NRCAM: variants seen among roughly 807,000 people sequenced by gnomAD.
NRCAM encodes neuronal cell adhesion molecule.
Under a neutral mutation model 156.5 loss-of-function variants are expected in NRCAM, and 83 were observed. The ratio of observed to expected loss-of-function variants is 0.53; its 90% CI spans 0.44 to 0.64. The LOEUF (loss-of-function observed/expected upper bound fraction) is 0.64. NRCAM is among the 30% of genes least tolerant of loss of function. The pLI is 0.00. For synonymous variants in NRCAM, 538 were observed against 563.9 expected (o/e 0.95, Z 0.65); for missense variants, 1,417 against 1,597.3 (o/e 0.89, Z 1.92).
intron 3 of NRCAM, among the ~76,000 whole-genome samples, chr7:108,257,708 A>C (rs1014757776): frequency 1.1e-4 from 16 of 152,336 alleles, no homozygotes; most frequent in Non-Finnish European, 2.1e-4. Context: ...TTCCTTAATA[A>C]GGGTTCGTGA....
intron 3 of NRCAM, among the ~76,000 whole-genome samples, chr7:108,262,757 C>G (rs2096932620): frequency 6.6e-6 from 1 of 152,210 alleles, no homozygotes; most frequent in Non-Finnish European, 1.5e-5. Context: ...AGGTGCTGAG[C>G]TGCTTTCCTG....
chr7:108,228,188 G>A (rs2093774723), intron 8 of NRCAM, among the ~76,000 whole-genome samples: 1 of 152,098 alleles, frequency 6.6e-6, no homozygotes. Context: ...CAGGCGTGGT[G>A]GTTTGCACCT....
At chr7:108,323,451 A>G (rs1457126299) in intron 2 of NRCAM, among the ~76,000 whole-genome samples, 4 of 152,222 alleles carry the variant, frequency 2.6e-5, no homozygotes, top group Admixed American at 2.6e-4. Context: ...AAACATGCCT[A>G]TAAGTGGATG....
chr7:108,305,160 C>T (rs991620793), intron 3 of NRCAM, among the ~76,000 whole-genome samples: 9 of 152,126 alleles, frequency 5.9e-5, no homozygotes, highest in Admixed American at 4.6e-4. Flanking sequence ...TCCTCTATGG[C>T]AAGAAAGTTT....
intron 2 of NRCAM, among the ~76,000 whole-genome samples, chr7:108,354,421 C>G (rs143344481): frequency 2.6e-5 from 4 of 152,220 alleles, no homozygotes; most frequent in African/African-American, 9.6e-5. Flanking sequence ...TACTTCTACT[C>G]AACTAAAGGC....
At chr7:108,354,768 C>G (rs1188840569) in intron 2 of NRCAM, among the ~76,000 whole-genome samples, 1 of 151,998 alleles carries the variant, frequency 6.6e-6, no homozygotes, top group Non-Finnish European at 1.5e-5. Context: ...GTGGTGGGTG[C>G]CTATAATCCC....
At chr7:108,371,042 T>A (rs554076212) in intron 2 of NRCAM, among the ~76,000 whole-genome samples, 6 of 152,244 alleles carry the variant, frequency 3.9e-5, no homozygotes, top group Admixed American at 3.9e-4. Context: ...ATAACAGAAA[T>A]GACCTGCTAG....
At chr7:108,156,055 C>A (rs1385439225) in intron 32 of NRCAM, among the ~76,000 whole-genome samples, 1 of 152,108 alleles carries the variant, frequency 6.6e-6, no homozygotes, top group Non-Finnish European at 1.5e-5. Context: ...AACCACATTG[C>A]AGCTCAAGTA....
intron 1 of NRCAM, among the ~76,000 whole-genome samples, chr7:108,434,587 G>C (rs1044478812): frequency 6.8e-6 from 1 of 147,284 alleles, no homozygotes; most frequent in African/African-American, 2.6e-5. Context: ...CACGACACAA[G>C]AGAGGACAGC....
chr7:108,365,909 C>A (rs1400451819), intron 2 of NRCAM, among the ~76,000 whole-genome samples: 1 of 152,142 alleles, frequency 6.6e-6, no homozygotes, highest in South Asian at 2.1e-4. Flanking sequence ...GGTCTGAATG[C>A]ATCTCTCAAA....
chr7:108,384,204 A>G (rs2099724463), intron 2 of NRCAM, among the ~76,000 whole-genome samples: 1 of 152,154 alleles, frequency 6.6e-6, no homozygotes, highest in Admixed American at 6.6e-5. Context: ...ACATGTGTTT[A>G]CCTATGTAAC....
At chr7:108,417,726 TTTC>T (rs766884677) in intron 1 of NRCAM, among the ~76,000 whole-genome samples, 3 of 152,174 alleles carry the variant, frequency 2.0e-5, no homozygotes, top group East Asian at 1.9e-4. Flanking sequence ...TTTCTTTTCT[TTTC>T]TTTTCTCTGC....
chr7:108,406,057 T>A (rs2099806504), intron 1 of NRCAM, among the ~76,000 whole-genome samples: 1 of 151,278 alleles, frequency 6.6e-6, no homozygotes, highest in East Asian at 1.9e-4. Context: ...GAAGGAGAAA[T>A]GCATCAAAGA....
chr7:108,195,200 T>TA (rs963097882), intron 15 of NRCAM, among the ~76,000 whole-genome samples: 6 of 151,546 alleles, frequency 4.0e-5, no homozygotes, highest in Non-Finnish European at 5.9e-5. Flanking sequence ...GCCTTAAATT[T>TA]AAAAAAAAAT....
intron 3 of NRCAM, among the ~76,000 whole-genome samples, chr7:108,257,543 T>C (rs1239306039): frequency 6.6e-6 from 1 of 152,208 alleles, no homozygotes; most frequent in African/African-American, 2.4e-5. Context: ...AAATGGCAGA[T>C]ATATTAGCAT....
At chr7:108,269,678 A>AAACT (rs1353401921) in intron 3 of NRCAM, among the ~76,000 whole-genome samples, 1 of 152,226 alleles carries the variant, frequency 6.6e-6, no homozygotes, top group African/African-American at 2.4e-5. Context: ...AACTGTAATG[A>AAACT]GTTATATGCT....
At chr7:108,455,592 T>G (rs769122494) in intron 1 of NRCAM, among the ~76,000 whole-genome samples, 44 of 151,916 alleles carry the variant, frequency 2.9e-4, no homozygotes, top group Non-Finnish European at 6.2e-4. Flanking sequence ...CCTCCGTGTC[T>G]CTCTCGTTCC....
chr7:108,312,277 AT>A (rs1224466892), intron 3 of NRCAM, among the ~76,000 whole-genome samples: 1 of 152,236 alleles, frequency 6.6e-6, no homozygotes, highest in Non-Finnish European at 1.5e-5. Flanking sequence ...CTTTTGATAT[AT>A]TATTGAATCA....
At chr7:108,289,907 T>C (rs1014909561) in intron 3 of NRCAM, among the ~76,000 whole-genome samples, 2 of 152,138 alleles carry the variant, frequency 1.3e-5, no homozygotes, top group African/African-American at 4.8e-5. Flanking sequence ...GTGATTCTGA[T>C]GCACACTAAG....
Sources: allele counts gnomAD v4.1 joint callset (sites outside exome capture counted in the v4.1 genomes callset), GRCh38; gene constraint gnomAD v4.1.1; transcripts MANE v1.5; gene names NCBI Gene and HGNC (gene_info 2026-07-23, HGNC 2026-07-21).